GALNT16: variants seen among roughly 807,000 people sequenced by gnomAD.
GALNT16 encodes the protein UDP-GalNAc:polypeptide N-acetylgalactosaminyltransferase-like protein 1.
Under a neutral mutation model 76.1 loss-of-function variants are expected in GALNT16, and 40 were observed. The ratio of observed to expected loss-of-function variants is 0.53; its 90% CI spans 0.41 to 0.68. GALNT16 has a LOEUF of 0.68. Ranked by LOEUF, GALNT16 falls within the 30% of genes least tolerant of loss-of-function variation. GALNT16 has a pLI of 0.00. For synonymous variants in GALNT16, 276 were observed against 285.2 expected (o/e 0.97, Z 0.32); for missense variants, 621 against 731.9 (o/e 0.85, Z 1.75).
chr14:69,289,075 G>A (rs1025699990), intron 1 of GALNT16, among the ~76,000 whole-genome samples: 16 of 152,210 alleles, frequency 1.1e-4, no homozygotes, highest in Admixed American at 9.2e-4. Context: ...ACAGGGTCTC[G>A]CCCTGTTGCC....
At chr14:69,299,659 C>T (rs1177661774) in intron 1 of GALNT16, among the ~76,000 whole-genome samples, 3 of 152,164 alleles carry the variant, frequency 2.0e-5, no homozygotes, top group African/African-American at 7.2e-5. Flanking sequence ...GTGAATTATA[C>T]ATCTTGCTCA....
chr14:69,301,616 G>C (rs1479764447), intron 1 of GALNT16, among the ~76,000 whole-genome samples: 1 of 152,116 alleles, frequency 6.6e-6, no homozygotes, highest in Non-Finnish European at 1.5e-5. Context: ...TGGGATTACA[G>C]GTGTGAACTA....
At chr14:69,263,265 C>G (rs1245021103) in intron 1 of GALNT16, among the ~76,000 whole-genome samples, 1 of 152,150 alleles carries the variant, frequency 6.6e-6, no homozygotes, top group Non-Finnish European at 1.5e-5. Context: ...ATTTTATTAT[C>G]AACTGTAACC....
intron 3 of GALNT16, 27 bp from the exon 4 acceptor site, chr14:69,325,310 C>T: frequency 6.7e-7 from 1 of 1,484,536 alleles, no homozygotes; most frequent in Non-Finnish European, 9.4e-7. Context: ...AATCCAGGCT[C>T]TTTCTCTGTT....
intron 7 of GALNT16, among the ~76,000 whole-genome samples, chr14:69,331,868 C>T (rs1482625163): frequency 1.3e-5 from 2 of 152,200 alleles, no homozygotes; most frequent in Admixed American, 6.5e-5. Flanking sequence ...CCACAAGTCC[C>T]GGCAGAAGGC....
chr14:69,260,552 CCGGCCAGGGCTG>C, intron 1 of GALNT16, 85 bp downstream of exon 1: 1 of 992,768 alleles, frequency 1.0e-6, no homozygotes, highest in Non-Finnish European at 1.3e-6. Flanking sequence ...GGCGCGGGGC[CCGGCCAGGGCTG>C]AGTGCCCGCT....
At chr14:69,279,619 G>T (rs886527900) in intron 1 of GALNT16, among the ~76,000 whole-genome samples, 1 of 152,268 alleles carries the variant, frequency 6.6e-6, no homozygotes, top group Non-Finnish European at 1.5e-5. Context: ...GACTGAGTGG[G>T]TGTGGGAAAG....
In GALNT16 at chr14:69,341,747, C is replaced by A. The variant is rs780620549; in HGVS notation, c.1254C>A (p.Asn418Lys). 1 of 1,612,228 alleles carries A rather than the reference C, an allele frequency of 6.2e-7. No homozygotes were observed. The change falls in exon 12 of 15, where the codon AAC becomes AAA. Residue 418 changes from asparagine to lysine, a missense_variant. Transcript: ENST00000448469. ...AGTCCTTCCGCTGGTACCTGGAGAA[C>A]GTCTACCCAGAGCTCACGTGAGTGC... is the stretch of plus-strand genomic sequence containing the variant. The part of the protein sequence containing the change: ...NCKSFRWYLE[N>K]VYPELTVPVK...
chr14:69,275,791 T>A (rs760515159), intron 1 of GALNT16, among the ~76,000 whole-genome samples: 22 of 152,024 alleles, frequency 1.4e-4, no homozygotes, highest in Admixed American at 3.3e-4. Flanking sequence ...GTCTGGGAGG[T>A]CATGAGGCTG....
At chr14:69,314,449 A>C (rs1022055717) in intron 1 of GALNT16, among the ~76,000 whole-genome samples, 1 of 152,196 alleles carries the variant, frequency 6.6e-6, no homozygotes, top group Non-Finnish European at 1.5e-5. Context: ...AGATGGGGAC[A>C]TGTCTGGAGC....
At position 69,260,409 on chromosome 14, in the gene GALNT16, CGCAGAGGGCAGGCAGGAGGTCGGA is replaced by C. The variant is rs1425678566; in HGVS notation, c.124_147del (p.Arg42_Gln49del). ...GCAGCATCCTCCGGCGGCCGGGGCG[CGCAGAGGGCAGGCAGGAGGTCGGA>C]GCAGCTCCGCGAGGACCGCACCATC... On this transcript the variant is annotated inframe_deletion, in exon 1 of 15. Transcript: ENST00000448469. 1.9e-6 allele frequency: 3 copies of C among 1,602,184 alleles called. No homozygotes were observed. Among genetic ancestry groups the C allele is most frequent in the Non-Finnish European group, 2.6e-6 (3 of 1,174,044 alleles).
chr14:69,369,838 C>T, the GALNT16 span, among the ~76,000 whole-genome samples: 1 of 152,196 alleles, frequency 6.6e-6, no homozygotes, highest in Admixed American at 6.5e-5. Context: ...CCCCTGAGGA[C>T]AGCTTACTTC....
At chr14:69,320,144 A>G (rs555499462) in intron 1 of GALNT16, among the ~76,000 whole-genome samples, 2 of 152,340 alleles carry the variant, frequency 1.3e-5, no homozygotes, top group Admixed American at 1.3e-4. Context: ...AGTCGGAATG[A>G]CCAGTTTAAA....
chr14:69,303,054 C>T (rs1245604073), intron 1 of GALNT16, among the ~76,000 whole-genome samples: 2 of 152,166 alleles, frequency 1.3e-5, no homozygotes, highest in Non-Finnish European at 2.9e-5. Flanking sequence ...GTACCTACAT[C>T]TTCATTACTT....
chr14:69,345,734 G>GTGTGTGTGTGTGTGTGTGTC, intron 12 of GALNT16, among the ~76,000 whole-genome samples: 2 of 151,868 alleles, frequency 1.3e-5, no homozygotes, highest in South Asian at 2.1e-4. Flanking sequence ...GTGTGTGTGT[G>GTGTGTGTGTGTGTGTGTGTC]TGTCTGTATG....
chr14:69,336,830 C>T (rs1018273504), intron 9 of GALNT16, among the ~76,000 whole-genome samples: 1 of 151,428 alleles, frequency 6.6e-6, no homozygotes, highest in African/African-American at 2.4e-5. Context: ...CGGGTTCAAA[C>T]AATTCTGCCT....
intron 1 of GALNT16, among the ~76,000 whole-genome samples, chr14:69,296,759 TAGATAGATAGAC>T (rs879811772): frequency 0.047 from 7,015 of 150,432 alleles, 307 homozygotes; most frequent in East Asian, 0.24. Flanking sequence ...GATAGATAGA[TAGATAGATAGAC>T]AGATAGATGA....
chr14:69,341,846 T>C, intron 12 of GALNT16, 82 bp downstream of exon 12: 2 of 835,034 alleles, frequency 2.4e-6, no homozygotes, highest in Non-Finnish European at 4.1e-6. Context: ...ACCCCACCCT[T>C]AGATCTCCTC....
intron 1 of GALNT16, among the ~76,000 whole-genome samples, chr14:69,271,540 C>T (rs568671426): frequency 1.4e-4 from 22 of 152,254 alleles, no homozygotes; most frequent in Non-Finnish European, 2.6e-4. Flanking sequence ...GAGAGCCCTC[C>T]TCATCACAGG....
Sources: gnomAD v4.1 joint callset for allele counts (sites outside exome capture counted in the v4.1 genomes callset) on GRCh38, gnomAD v4.1.1 for gene constraint, MANE v1.5 for transcripts, NCBI Gene and HGNC (gene_info 2026-07-23, HGNC 2026-07-21) for gene names.